Variants in LPCAT3 observed in about 807,000 individuals in gnomAD.
LPCAT3 encodes the protein lysophosphatidylcholine acyltransferase 3.
In LPCAT3, 21 loss-of-function variants were observed where a neutral mutation model predicts 63.4. The ratio of observed to expected loss-of-function variants is 0.33; its 90% CI spans 0.23 to 0.48. The LOEUF is 0.48. Ranked by LOEUF, LPCAT3 falls within the 20% of genes least tolerant of loss-of-function variation. The pLI is 0.99. For synonymous variants in LPCAT3, 242 were observed against 227.5 expected, an observed-to-expected ratio of 1.06 and a Z score of -0.58; for missense variants, 451 against 590.6, an observed-to-expected ratio of 0.76 and a Z score of 2.45.
At chr12:7,006,000 G>C (rs1171240217) in intron 1 of LPCAT3, among the ~76,000 whole-genome samples, 1 of 151,952 alleles carries the variant, frequency 6.6e-6, no homozygotes, top group Non-Finnish European at 1.5e-5. Flanking sequence ...TGATGATCTG[G>C]GGAGAATTTT....
At chr12:7,009,863 AT>A (rs1555157093) in intron 1 of LPCAT3, among the ~76,000 whole-genome samples, 1 of 152,226 alleles carries the variant, frequency 6.6e-6, no homozygotes, top group East Asian at 1.9e-4. Context: ...ATTCATATAA[AT>A]TTTGTATTCT....
chr12:7,015,614 G>A (rs1403083731), intron 1 of LPCAT3, among the ~76,000 whole-genome samples: 2 of 152,178 alleles, frequency 1.3e-5, no homozygotes, highest in African/African-American at 4.8e-5. Flanking sequence ...CACATGATGA[G>A]CTATACCTGA....
At chr12:7,015,037 T>C (rs1946788913) in intron 1 of LPCAT3, among the ~76,000 whole-genome samples, 1 of 152,226 alleles carries the variant, frequency 6.6e-6, no homozygotes, top group Admixed American at 6.5e-5. Flanking sequence ...AATACGTGTA[T>C]ACACATACAA....
chr12:6,993,623 A>C (rs1331603185), intron 1 of LPCAT3, among the ~76,000 whole-genome samples: 1 of 152,156 alleles, frequency 6.6e-6, no homozygotes, highest in Non-Finnish European at 1.5e-5. Context: ...TGTTTCATAT[A>C]AATGGCGTCA....
chr12:6,981,171 G>C lies in LPCAT3; in HGVS notation c.510C>G (p.Ser170=), dbSNP rs143854437. The C allele has an allele frequency of 6.2e-7, 1 of 1,607,886 alleles. No homozygotes were observed. Among genetic ancestry groups the C allele is most frequent in the East Asian group, 2.2e-5 (1 of 44,842 alleles). Residue 170 remains serine, a synonymous_variant, in exon 6 of 13, where the codon TCC becomes TCG. Coordinates refer to ENST00000261407, the MANE Select transcript of LPCAT3 (RefSeq NM_005768.6). ...FDGGKDQNSL[S]SEQQKYAIRG... ...GTATGGCATATTTCTGTTGCTCAGA[G>C]GACAAGGAATTCTATGCCAAGAAGA...
intron 1 of LPCAT3, among the ~76,000 whole-genome samples, chr12:6,999,916 CT>C (rs782553121): frequency 0.02 from 2,235 of 114,480 alleles, 14 homozygotes; most frequent in Middle Eastern, 0.054. Context: ...TACTTACATT[CT>C]TTTTTTTTTT....
chr12:6,997,590 CT>C (rs1205204101), intron 1 of LPCAT3, among the ~76,000 whole-genome samples: 214 of 129,458 alleles, frequency 1.7e-3, no homozygotes, highest in Middle Eastern at 4.8e-3. Context: ...ATTTTCTTTT[CT>C]TTTTTTTTTT....
intron 1 of LPCAT3, among the ~76,000 whole-genome samples, chr12:6,989,851 G>A (rs782032480): frequency 7.2e-5 from 11 of 152,142 alleles, no homozygotes; most frequent in Non-Finnish European, 1.3e-4. Context: ...TTCATCTGAA[G>A]AAACAGAAAT....
intron 1 of LPCAT3, among the ~76,000 whole-genome samples, chr12:7,003,689 G>C (rs1428839074): frequency 6.6e-6 from 1 of 151,912 alleles, no homozygotes; most frequent in Non-Finnish European, 1.5e-5. Flanking sequence ...TTGGGAGGCC[G>C]AGGCGGGTGG....
chr12:7,010,588 A>T (rs983685592), intron 1 of LPCAT3, among the ~76,000 whole-genome samples: 1 of 152,126 alleles, frequency 6.6e-6, no homozygotes, highest in Non-Finnish European at 1.5e-5. Context: ...GCTAATGCAA[A>T]TATCATTTTT....
Position 6,979,796 on chromosome 12 carries a change from AAGTC to A in LPCAT3, c.678-221_678-218del, listed in dbSNP as rs1428717475. On this transcript the variant is annotated intron_variant, in intron 6 of 12. Transcript: ENST00000261407. ...TGCAAACCTCTTAAGAGTTGTAGGA[AAGTC>A]AGGGCAGCAGACAGTGGACCAGTCT... 9 of 573,036 alleles carry A rather than the reference AAGTC, an allele frequency of 1.6e-5. No individual in the cohort carries two copies. In the Admixed American group the frequency reaches 2.2e-4, roughly 14 times the overall value. The allele number at this position is 573,036 out of a possible 1,614,324, so 35.5% of individuals were successfully genotyped here.
chr12:6,991,368 C>T (rs1555155488), intron 1 of LPCAT3, among the ~76,000 whole-genome samples: 1 of 152,224 alleles, frequency 6.6e-6, no homozygotes, highest in Non-Finnish European at 1.5e-5. Context: ...GCTTCTCTTG[C>T]ACTTTGAATG....
chr12:7,006,105 G>A (rs1946723132), intron 1 of LPCAT3, among the ~76,000 whole-genome samples: 1 of 152,126 alleles, frequency 6.6e-6, no homozygotes, highest in African/African-American at 2.4e-5. Context: ...CGATGACCTG[G>A]GGTCCCAATG....
chr12:6,988,444 C>T (rs1333430341), intron 1 of LPCAT3: 2 of 152,246 alleles, frequency 1.3e-5, no homozygotes, highest in Non-Finnish European at 2.9e-5. Flanking sequence ...CCGCTCAGCT[C>T]AGCGGGCTTT....
chr12:7,011,546 G>A (rs782113004), intron 1 of LPCAT3, among the ~76,000 whole-genome samples: 58 of 151,804 alleles, frequency 3.8e-4, no homozygotes, highest in Non-Finnish European at 7.7e-4. Flanking sequence ...CTACTCAGGA[G>A]GCTGAGGCTA....
At chr12:6,979,602 C>T in intron 6 of LPCAT3, 23 bp from the exon 7 acceptor site, 1 of 1,521,332 alleles carries the variant, frequency 6.6e-7, no homozygotes, top group African/African-American at 1.4e-5. Flanking sequence ...GAGTGAAGTT[C>T]CTGGTCACAG....
intron 1 of LPCAT3, among the ~76,000 whole-genome samples, chr12:7,000,811 A>G (rs1030150014): frequency 2.6e-4 from 40 of 151,498 alleles, no homozygotes; most frequent in African/African-American, 9.7e-4. Context: ...GGTTCACGCC[A>G]TTCTCCTGCC....
chr12:6,977,463 C>T lies in LPCAT3; in HGVS notation c.1251G>A (p.Gln417=), dbSNP rs782195366. 1 of 1,614,174 alleles carries T rather than the reference C, an allele frequency of 6.2e-7. No homozygotes were observed. Among genetic ancestry groups the T allele is most frequent in the Non-Finnish European group, 8.5e-7 (1 of 1,180,026 alleles). Reference sequence around the variant, plus strand: ...TCTGTTGCACCAAATAGTAGAAGGGCTGGAGGACAGTAATGGCGGCCAGCT... The same window carrying T: ...TCTGTTGCACCAAATAGTAGAAGGGTTGGAGGACAGTAATGGCGGCCAGCT... ...LSKLAAITVL[Q]PFYYLVQQTI... The change falls in exon 11 of 13, where the codon CAG becomes CAA. Residue 417 remains glutamine (Q), a synonymous_variant. Transcript: ENST00000261407. The surrounding 1 kb of genome is among the most constrained non-coding windows in gnomAD (Gnocchi z 4.5).
In LPCAT3 at chr12:6,983,432, C is replaced by T; in HGVS notation, c.259G>A (p.Gly87Arg). ...GTCACTGCTAATTTAGTTTACTCAC[C>T]AAAGTTAAAATAAGCAATTGAGAGG... ...TGLSIAYFNF[G>R]NQLYHSLLCI... Residue 87 changes from glycine (G) to arginine (R), a missense_variant and splice_region_variant, in exon 2 of 13, where the codon GGA (glycine) becomes AGA (arginine). Physicochemically the swap from Gly to Arg is moderately radical, Grantham distance 125. This residue lies in a region of LPCAT3 where 133 missense variants were observed against 152.1 expected (regional missense o/e 0.87). Transcript: ENST00000261407. The T allele has an allele frequency of 6.3e-7, 1 of 1,592,020 alleles. No individual in the cohort carries two copies. Among genetic ancestry groups the T allele is most frequent in the Non-Finnish European group, 8.6e-7 (1 of 1,161,686 alleles).
Sources: gnomAD v4.1 joint callset for allele counts (sites outside exome capture counted in the v4.1 genomes callset) on GRCh38, gnomAD v4.1.1 for gene constraint, gnomAD v4.1.1 regional missense constraint, Gnocchi (gnomAD v3.1) non-coding constraint, MANE v1.5 for transcripts, NCBI Gene and HGNC (gene_info 2026-07-23, HGNC 2026-07-21) for gene names.